Variants in UGGT2 observed in about 807,000 individuals in gnomAD.
UGGT2 encodes UDP-glucose glycoprotein glucosyltransferase 2.
In UGGT2, 180 loss-of-function variants were observed where a neutral mutation model predicts 192.1. That is an observed-to-expected ratio of 0.94 (90% CI 0.83 to 1.06). The LOEUF (loss-of-function observed/expected upper bound fraction) is 1.06, where lower values mean the gene tolerates loss of function less well. Ranked by LOEUF, UGGT2 falls within the 50% of genes least tolerant of loss-of-function variation. The pLI, the probability that UGGT2 is intolerant of heterozygous loss-of-function variation, is 0.00. For missense variants in UGGT2, 1,849 were observed against 1,795.7 expected, an observed-to-expected ratio of 1.03 and a Z score of -0.54; for synonymous variants, 580 against 591.0, an observed-to-expected ratio of 0.98 and a Z score of 0.27.
intron 17 of UGGT2, among the ~76,000 whole-genome samples, chr13:95,933,043 T>C (rs1351824339): frequency 6.6e-6 from 1 of 152,214 alleles, no homozygotes; most frequent in Non-Finnish European, 1.5e-5. Context: ...CCTGTAGTTT[T>C]TTCATTGCAT....
chr13:95,984,636 C>T (rs2051234441), intron 9 of UGGT2, among the ~76,000 whole-genome samples: 1 of 152,130 alleles, frequency 6.6e-6, no homozygotes, highest in African/African-American at 2.4e-5. Flanking sequence ...AGCCTATTCA[C>T]TCTTGAAGAG....
At chr13:95,970,945 C>G (rs1001647115) in intron 11 of UGGT2, among the ~76,000 whole-genome samples, 1 of 152,188 alleles carries the variant, frequency 6.6e-6, no homozygotes, top group Non-Finnish European at 1.5e-5. Context: ...TGGACTTCAT[C>G]AGTCCTACTT....
intron 16 of UGGT2, among the ~76,000 whole-genome samples, chr13:95,937,798 C>G (rs2049515734): frequency 6.6e-6 from 1 of 152,052 alleles, no homozygotes; most frequent in African/African-American, 2.4e-5. Context: ...AAAGACAGTC[C>G]AAGTGAGGAG....
chr13:95,946,141 C>T (rs1306973196), intron 15 of UGGT2, among the ~76,000 whole-genome samples: 2 of 152,162 alleles, frequency 1.3e-5, no homozygotes, highest in Non-Finnish European at 2.9e-5. Flanking sequence ...CCACAATGAT[C>T]CATAACAGAA....
intron 20 of UGGT2, among the ~76,000 whole-genome samples, chr13:95,907,469 T>C (rs1375562389): frequency 2.3e-5 from 2 of 87,154 alleles, no homozygotes; most frequent in African/African-American, 4.0e-5. Context: ...TGGGTCCCCA[T>C]GTAGCCTAAC....
At position 95,863,642 on chromosome 13, in the gene UGGT2, C is replaced by G; in HGVS notation, c.3631G>C (p.Asp1211His). 1.2e-6 allele frequency: 2 copies of G among 1,610,314 alleles called. No homozygotes were observed. Among genetic ancestry groups the G allele is most frequent in the Non-Finnish European group, 1.7e-6 (2 of 1,177,054 alleles). ...ATTAGTAATTACCTTTTAATGGAAT[C>G]CCACAGTCCTTTTGTTTTTTCATCT... Reference protein sequence around the residue: ...DEDEKTKGLWDSIKSFTVSLH... With the variant: ...DEDEKTKGLWHSIKSFTVSLH... Residue 1211 changes from aspartate to histidine, a missense_variant, in exon 31 of 39, where the codon GAT becomes CAT. Physicochemically the swap from Asp to His is moderately conservative, Grantham distance 81. Transcript: ENST00000376747.
intron 15 of UGGT2, among the ~76,000 whole-genome samples, chr13:95,946,707 T>C (rs1470371829): frequency 6.6e-6 from 1 of 152,164 alleles, no homozygotes; most frequent in Admixed American, 6.5e-5. Context: ...AGTTCAAGAA[T>C]TTTTTCTTAA....
intron 12 of UGGT2, among the ~76,000 whole-genome samples, chr13:95,956,773 G>C (rs1031733857): frequency 6.6e-6 from 1 of 152,204 alleles, no homozygotes; most frequent in Admixed American, 6.5e-5. Flanking sequence ...TTGGCAGTTT[G>C]TCAAAAAAGT....
At chr13:95,978,271 T>G (rs2051002464) in intron 10 of UGGT2, among the ~76,000 whole-genome samples, 1 of 152,206 alleles carries the variant, frequency 6.6e-6, no homozygotes, top group Non-Finnish European at 1.5e-5. Context: ...TGGTTTTGAT[T>G]TGCATTTCCC....
intron 17 of UGGT2, among the ~76,000 whole-genome samples, chr13:95,931,705 C>A (rs892773211): frequency 1.3e-5 from 2 of 152,070 alleles, no homozygotes; most frequent in Admixed American, 1.3e-4. Context: ...CCTCACTGCC[C>A]GGGCCGGCAG....
At chr13:95,971,903 C>T (rs1006688502) in intron 11 of UGGT2, among the ~76,000 whole-genome samples, 4 of 152,128 alleles carry the variant, frequency 2.6e-5, no homozygotes, top group African/African-American at 9.7e-5. Flanking sequence ...AATAATTTCA[C>T]TTCAACAAAA....
Position 95,884,512 on chromosome 13 carries a change from A to T in UGGT2, c.3207T>A (p.Leu1069=). The part of the protein sequence containing the change: ...LVETVHSNCD[L]DNIHLKDTEK... Reference sequence around the variant, plus strand: ...TTACATCCTTTAAGTGAATATTATCAAGGTCACAGTTGCTGTGCACTGTTT... The same window carrying T: ...TTACATCCTTTAAGTGAATATTATCTAGGTCACAGTTGCTGTGCACTGTTT... Residue 1069 remains leucine (L), a synonymous_variant, in exon 27 of 39, where the codon CTT becomes CTA. Coordinates refer to ENST00000376747, the MANE Select transcript of UGGT2 (RefSeq NM_020121.4). 6.2e-7 allele frequency: 1 copy of T among 1,611,654 alleles called. No individual in the cohort carries two copies. Among genetic ancestry groups the T allele is most frequent in the Non-Finnish European group, 8.5e-7 (1 of 1,179,150 alleles).
At chr13:96,003,275 C>A (rs981171249) in intron 5 of UGGT2, among the ~76,000 whole-genome samples, 6 of 152,094 alleles carry the variant, frequency 3.9e-5, no homozygotes, top group Non-Finnish European at 7.4e-5. Flanking sequence ...GCACAGTGAA[C>A]CTGCATCATA....
intron 26 of UGGT2, 61 bp downstream of exon 26, chr13:95,887,828 ATTG>A: frequency 9.9e-7 from 1 of 1,007,594 alleles, no homozygotes; most frequent in South Asian, 1.5e-5. Flanking sequence ...AGTAACAATG[ATTG>A]TTTTTTTCTT....
intron 17 of UGGT2, among the ~76,000 whole-genome samples, chr13:95,932,364 A>T (rs2049317213): frequency 7.4e-6 from 1 of 134,792 alleles, no homozygotes; most frequent in Non-Finnish European, 1.6e-5. Context: ...TGGCTATTGT[A>T]AATGGGACTG....
chr13:95,894,727 C>T (rs1318764013), intron 23 of UGGT2, 70 bp from the exon 24 acceptor site: 1 of 1,311,210 alleles, frequency 7.6e-7, no homozygotes. Context: ...ACAATTAATG[C>T]TTCAAGAAAG....
At chr13:95,970,824 C>T (rs1467804675) in intron 11 of UGGT2, among the ~76,000 whole-genome samples, 1 of 152,176 alleles carries the variant, frequency 6.6e-6, no homozygotes, top group Non-Finnish European at 1.5e-5. Context: ...GTTTAAACTA[C>T]TCTTCATCAA....
rs1223404898 is a variant in UGGT2, at chr13:95,894,745, A to G, written c.2760-88T>C. 4.7e-6 allele frequency: 5 copies of G among 1,074,968 alleles called. No homozygotes were observed. The East Asian group carries it at 7.2e-5, about 16-fold the overall frequency. 66.6% of individuals were successfully genotyped at this position (1,074,968 alleles called of 1,614,324 possible). A position where few individuals can be genotyped will look rare whatever the true frequency, so the allele number is the denominator to read the frequency against. On this transcript the variant is annotated intron_variant, in intron 23 of 38. Transcript: ENST00000376747. ...ATTAATGCTTCAAGAAAGGTTTTAT[A>G]TATCTGAACATGGTTAAATCTACCA...
At chr13:96,016,923 A>G (rs2052357709) in intron 4 of UGGT2, among the ~76,000 whole-genome samples, 1 of 152,194 alleles carries the variant, frequency 6.6e-6, no homozygotes, top group South Asian at 2.1e-4. Context: ...AGAGCGCTGG[A>G]GCTGCCCAAG....
Sources: gnomAD v4.1 joint callset for allele counts (sites outside exome capture counted in the v4.1 genomes callset) on GRCh38, gnomAD v4.1.1 for gene constraint, MANE v1.5 for transcripts, NCBI Gene and HGNC (gene_info 2026-07-23, HGNC 2026-07-21) for gene names.